Variants in PDE3A observed in about 807,000 individuals in gnomAD.
PDE3A encodes cGMP-inhibited 3',5'-cyclic phosphodiesterase 3A.
A neutral mutation model predicts 98.3 loss-of-function variants in PDE3A; 43 were observed. The ratio of observed to expected loss-of-function variants is 0.44; its 90% CI spans 0.34 to 0.56. The LOEUF is 0.56. Ranked by LOEUF, PDE3A falls within the 20% of genes least tolerant of loss-of-function variation. The pLI is 0.01. For synonymous variants in PDE3A, 663 were observed against 567.9 expected (o/e 1.17, Z -2.38); for missense variants, 1,427 against 1,440.7 (o/e 0.99, Z 0.15).
At position 20,634,940 on chromosome 12, in the gene PDE3A, A is replaced by C. The variant is rs1465029651; in HGVS notation, c.1885A>C (p.Asn629His). ...AQVTSDYETN[N>H]NSDSSDIVQN... The stretch of plus-strand genomic sequence containing the variant: ...AGTTACCTCTGATTATGAAACCAAT[A>C]ACAACAGTGACAGCAGTGACATTGT... The change falls in exon 8 of 16, where the codon AAC (asparagine) becomes CAC (histidine). Residue 629 changes from asparagine (N) to histidine (H), a missense_variant. Asn to His is a moderately conservative substitution (Grantham distance 68). This residue lies in a region of PDE3A where 1,012 missense variants were observed against 886.5 expected (regional missense o/e 1.14). Coordinates refer to ENST00000359062, the MANE Select transcript of PDE3A (RefSeq NM_000921.5). 6.2e-7 allele frequency: 1 copy of C among 1,610,408 alleles called. No individual in the cohort carries two copies. Among genetic ancestry groups the C allele is most frequent in the Admixed American group, 1.7e-5 (1 of 59,996 alleles).
intron 2 of PDE3A, among the ~76,000 whole-genome samples, chr12:20,599,243 G>A (rs1943534351): frequency 6.6e-6 from 1 of 151,974 alleles, no homozygotes. Context: ...CTCTAGACCT[G>A]TTCTTTCACC....
intron 15 of PDE3A, among the ~76,000 whole-genome samples, chr12:20,670,194 A>C (rs2120413587): frequency 6.6e-6 from 1 of 150,722 alleles, no homozygotes; most frequent in East Asian, 1.9e-4. Context: ...CAAGATTCAT[A>C]AAGCAAGTCC....
intron 1 of PDE3A, among the ~76,000 whole-genome samples, chr12:20,421,775 T>C (rs1351609190): frequency 6.6e-6 from 1 of 152,134 alleles, no homozygotes; most frequent in Non-Finnish European, 1.5e-5. Context: ...TCTAGCTTCT[T>C]GCTCCTTTGA....
chr12:20,431,660 T>G (rs1379204331), intron 1 of PDE3A, among the ~76,000 whole-genome samples: 3 of 151,674 alleles, frequency 2.0e-5, no homozygotes, highest in African/African-American at 4.8e-5. Flanking sequence ...CACACATTCC[T>G]CACTGCTATT....
intron 14 of PDE3A, among the ~76,000 whole-genome samples, chr12:20,652,262 G>A (rs1003118109): frequency 5.9e-5 from 9 of 151,998 alleles, no homozygotes; most frequent in South Asian, 2.1e-4. Flanking sequence ...AGCATGATTT[G>A]TAGTCCTTTG....
At chr12:20,519,017 G>A (rs1245081505) in intron 1 of PDE3A, among the ~76,000 whole-genome samples, 1 of 148,752 alleles carries the variant, frequency 6.7e-6, no homozygotes, top group Non-Finnish European at 1.5e-5. Context: ...TGCTAAAGAA[G>A]ATTGTGTAAA....
rs201691823 is a variant in PDE3A at position 20,369,869 on chromosome 12, C to T, written c.585C>T (p.Leu195=). Residue 195 remains leucine, a synonymous_variant, in exon 1 of 16, where the codon CTC becomes CTT. Coordinates refer to ENST00000359062, the MANE Select transcript of PDE3A (RefSeq NM_000921.5). ...LLSLPAAGVV[L]SCLAAATWLV... ...CACTCCCCGCCGCGGGGGTGGTGCTCAGCTGCTTGGCCGCCGCGACATGGC... is the reference window on the plus strand; with the variant it reads ...CACTCCCCGCCGCGGGGGTGGTGCTTAGCTGCTTGGCCGCCGCGACATGGC... The T allele has an allele frequency of 3.4e-4, 552 of 1,612,838 alleles. 8 individuals carry two copies. In the South Asian group the frequency reaches 5.2e-3, roughly 15 times the overall value.
rs11045348 is a variant in PDE3A at position 20,630,166 on chromosome 12, C to T, written c.1760+39C>T. On this transcript the variant is annotated intron_variant, in intron 6 of 15. Transcript: ENST00000359062. The stretch of plus-strand genomic sequence containing the variant: ...ATGAACTGAAGTTTAATAATAAAAA[C>T]GATGATAGTTTTCCCCTAGAAATAC... 0.26 allele frequency: 360,596 copies of T among 1,390,152 alleles called. 49,799 individuals carry two copies. Among genetic ancestry groups the T allele is most frequent in the East Asian group, 0.34 (14,996 of 43,660 alleles). 86.1% of individuals were successfully genotyped at this position (1,390,152 alleles called of 1,614,324 possible).
intron 1 of PDE3A, among the ~76,000 whole-genome samples, chr12:20,411,795 C>G (rs1178851393): frequency 1.3e-5 from 2 of 152,188 alleles, no homozygotes; most frequent in African/African-American, 4.8e-5. Context: ...ACATTTTCAT[C>G]TAATGTCCCC....
intron 1 of PDE3A, among the ~76,000 whole-genome samples, chr12:20,549,400 TAAAA>T (rs139027564): frequency 2.9e-5 from 4 of 136,386 alleles, no homozygotes; most frequent in Admixed American, 7.4e-5. Context: ...TTCTTTGCAT[TAAAA>T]AAAAAAAAAA....
At chr12:20,480,796 A>G (rs188189316) in intron 1 of PDE3A, among the ~76,000 whole-genome samples, 1 of 152,254 alleles carries the variant, frequency 6.6e-6, no homozygotes, top group African/African-American at 2.4e-5. Context: ...TTTCACAAAG[A>G]TAAGTTCTAG....
intron 1 of PDE3A, among the ~76,000 whole-genome samples, chr12:20,402,770 T>G (rs1446448749): frequency 2.0e-5 from 3 of 152,180 alleles, no homozygotes; most frequent in Non-Finnish European, 4.4e-5. Context: ...TTCTAATGCC[T>G]GGCTGAAAAA....
intron 3 of PDE3A, among the ~76,000 whole-genome samples, chr12:20,616,004 G>A (rs145511934): frequency 0.015 from 2,211 of 152,200 alleles, 54 homozygotes; most frequent in African/African-American, 0.051. Context: ...AATTACAGGC[G>A]TGAGCCACTA....
chr12:20,610,471 T>C (rs1363639823), intron 2 of PDE3A, among the ~76,000 whole-genome samples: 1 of 151,930 alleles, frequency 6.6e-6, no homozygotes, highest in Non-Finnish European at 1.5e-5. Context: ...GTACAGCCAT[T>C]ATAGAAAATA....
chr12:20,512,667 T>C (rs1289062255), intron 1 of PDE3A, among the ~76,000 whole-genome samples: 1 of 152,100 alleles, frequency 6.6e-6, no homozygotes, highest in African/African-American at 2.4e-5. Context: ...AGTAGAATGA[T>C]TTTCCAGGAG....
intron 9 of PDE3A, among the ~76,000 whole-genome samples, chr12:20,637,699 A>G (rs1348955700): frequency 2.0e-5 from 3 of 152,150 alleles, no homozygotes; most frequent in African/African-American, 7.2e-5. Flanking sequence ...TCCTAGTGTT[A>G]TGAAAAACAC....
At chr12:20,372,879 G>A (rs1346740036) in intron 1 of PDE3A, among the ~76,000 whole-genome samples, 1 of 152,136 alleles carries the variant, frequency 6.6e-6, no homozygotes, top group African/African-American at 2.4e-5. Context: ...AGGCTTACCA[G>A]TGAGAGAATT....
chr12:20,551,701 T>G, intron 1 of PDE3A: 1 of 1,612,882 alleles, frequency 6.2e-7, no homozygotes. Flanking sequence ...CGAGGACGAG[T>G]GGTACTGCCC....
intron 7 of PDE3A, 31 bp downstream of exon 7, chr12:20,633,809 A>C: frequency 7.6e-7 from 1 of 1,317,916 alleles, no homozygotes; most frequent in Non-Finnish European, 1.1e-6. Context: ...CTGTTGCCCA[A>C]AATGGAAATT....
Sources: allele counts gnomAD v4.1 joint callset (sites outside exome capture counted in the v4.1 genomes callset), GRCh38; gene constraint gnomAD v4.1.1; regional missense constraint gnomAD v4.1.1; transcripts MANE v1.5; gene names NCBI Gene and HGNC (gene_info 2026-07-23, HGNC 2026-07-21).